The following ACBD3 variants were observed in gnomAD, a reference collection of about 807,000 sequenced individuals.
The protein encoded by ACBD3 is Golgi resident protein GCP60.
A neutral mutation model predicts 66.9 loss-of-function variants in ACBD3; 30 were observed. That is an observed-to-expected ratio of 0.45 (90% CI 0.34 to 0.61). The LOEUF is 0.61. Ranked by LOEUF, ACBD3 falls within the 20% of genes least tolerant of loss-of-function variation. ACBD3 has a pLI of 0.02. For missense variants in ACBD3, 544 were observed against 664.5 expected (o/e 0.82, Z 1.99); for synonymous variants, 278 against 259.8 (o/e 1.07, Z -0.68).
chr1:226,164,658 T>C (rs1438118880), intron 3 of ACBD3, 131 bp downstream of exon 3: 46 of 1,101,660 alleles, frequency 4.2e-5, no homozygotes, highest in Admixed American at 2.7e-4. Flanking sequence ...GTTTGAACAA[T>C]TGCCACAAGA....
intron 1 of ACBD3, among the ~76,000 whole-genome samples, chr1:226,169,768 T>C (rs1659954930): frequency 6.7e-6 from 1 of 149,380 alleles, no homozygotes; most frequent in South Asian, 2.2e-4. Context: ...ACACCTGTAA[T>C]CCCAGCACTT....
chr1:226,179,999 T>C (rs926376627), intron 1 of ACBD3, among the ~76,000 whole-genome samples: 2 of 151,628 alleles, frequency 1.3e-5, no homozygotes, highest in African/African-American at 4.9e-5. Context: ...AGTGAAACCC[T>C]GTCTCTACTA....
intron 7 of ACBD3, among the ~76,000 whole-genome samples, chr1:226,147,278 A>T (rs1283630275): frequency 1.3e-5 from 2 of 152,100 alleles, no homozygotes; most frequent in Non-Finnish European, 2.9e-5. Flanking sequence ...TAGTTCGTTC[A>T]TTCATTCATT....
At chr1:226,185,009 T>C (rs1207936325) in intron 1 of ACBD3, among the ~76,000 whole-genome samples, 1 of 150,716 alleles carries the variant, frequency 6.6e-6, no homozygotes, top group Non-Finnish European at 1.5e-5. Flanking sequence ...TCTGCTACAA[T>C]ATACTTTACT....
intron 5 of ACBD3, among the ~76,000 whole-genome samples, chr1:226,157,200 A>G (rs544996802): frequency 4.8e-4 from 72 of 151,574 alleles, no homozygotes; most frequent in Admixed American, 3.0e-3. Context: ...GCAACCAATA[A>G]ATTTGATAAA....
intron 1 of ACBD3, among the ~76,000 whole-genome samples, chr1:226,181,319 G>C (rs554458681): frequency 1.6e-4 from 25 of 152,280 alleles, no homozygotes; most frequent in Middle Eastern, 3.4e-3. Context: ...CAGCTGTACA[G>C]TATTTTAAAA....
In ACBD3 at chr1:226,151,057, G is replaced by T. The variant is rs1254313270; in HGVS notation, c.1375+1278C>A. 2.0e-5 allele frequency among the ~76,000 whole-genome samples: 3 copies of T among 152,320 alleles called. No individual in the cohort carries two copies. The East Asian group carries it at 5.8e-4, about 29-fold the overall frequency. On this transcript the variant is annotated intron_variant, in intron 7 of 7. Coordinates refer to ENST00000366812, the MANE Select transcript of ACBD3 (RefSeq NM_022735.4). ...CACACCTGCAGTGTATGTTTCTGTA[G>T]ATAGCCCCAGAGGCCCCAGGGTGTT...
chr1:226,169,163 C>T (rs1041695445), intron 1 of ACBD3, among the ~76,000 whole-genome samples: 24 of 152,036 alleles, frequency 1.6e-4, no homozygotes, highest in African/African-American at 4.6e-4. Flanking sequence ...GTGCCCACCC[C>T]CTTCTCGCTT....
chr1:226,176,101 A>T (rs760339116), intron 1 of ACBD3, among the ~76,000 whole-genome samples: 3 of 152,180 alleles, frequency 2.0e-5, no homozygotes, highest in African/African-American at 4.8e-5. Flanking sequence ...TGAAGAGGCT[A>T]TGGTGGCTCT....
chr1:226,171,940 G>A (rs1169306627), intron 1 of ACBD3, among the ~76,000 whole-genome samples: 1 of 151,640 alleles, frequency 6.6e-6, no homozygotes, highest in Non-Finnish European at 1.5e-5. Context: ...TGGATCACCT[G>A]AGGTCAGGAG....
intron 1 of ACBD3, 84 bp from the exon 2 acceptor site, chr1:226,166,084 A>T: frequency 7.1e-7 from 1 of 1,412,662 alleles, no homozygotes; most frequent in East Asian, 2.5e-5. Flanking sequence ...GCTTTGCTAC[A>T]AAGCATGTCA....
At chr1:226,183,468 T>C (rs1041133803) in intron 1 of ACBD3, among the ~76,000 whole-genome samples, 5 of 151,340 alleles carry the variant, frequency 3.3e-5, no homozygotes, top group Admixed American at 2.0e-4. Flanking sequence ...AGGCAAAAGC[T>C]ACCACACCCG....
chr1:226,156,514 A>ACACG (rs1188421328), intron 5 of ACBD3, among the ~76,000 whole-genome samples: 1 of 152,156 alleles, frequency 6.6e-6, no homozygotes, highest in East Asian at 1.9e-4. Flanking sequence ...AAAAATACAC[A>ACACG]CACGCACACA....
chr1:226,161,673 GCTC>G lies in ACBD3; in HGVS notation c.583_585del (p.Glu195del). On this transcript the variant is annotated inframe_deletion, in exon 4 of 8. Coordinates refer to ENST00000366812, the MANE Select transcript of ACBD3 (RefSeq NM_022735.4). ...CTTTCTTCCTCTTCACGCCGCCTTC[GCTC>G]CTCTTCCTCCTTCCTACAAGGCAAA... is the stretch of plus-strand genomic sequence containing the variant. The G allele has an allele frequency of 6.3e-7, 1 of 1,598,004 alleles. No individual in the cohort carries two copies. The highest frequency in any genetic ancestry group is 8.5e-7 in the Non-Finnish European group (1 of 1,172,266).
intron 2 of ACBD3, 68 bp downstream of exon 2, chr1:226,165,791 C>T: frequency 6.5e-7 from 1 of 1,535,170 alleles, no homozygotes; most frequent in South Asian, 1.3e-5. Context: ...TACACCTTAA[C>T]CAATACACAT....
At chr1:226,173,850 T>TG (rs146361092) in intron 1 of ACBD3, among the ~76,000 whole-genome samples, 5,137 of 133,894 alleles carry the variant, frequency 0.038, 282 homozygotes, top group African/African-American at 0.13. Context: ...AACTTCCACC[T>TG]CCCAGGTTCA....
In ACBD3 at chr1:226,172,919, G is replaced by A. The variant is rs570745072; in HGVS notation, c.287-6919C>T. On this transcript the variant is annotated intron_variant, in intron 1 of 7. Transcript: ENST00000366812. ...TCCAATAGACTGTGAAAGCACCACC[G>A]AACTCCAGCCTGGGTGACAGATGAA... Among the ~76,000 whole-genome samples the A allele has an allele frequency of 7.2e-5, 11 of 152,230 alleles. No individual in the cohort carries two copies. The East Asian group carries it at 1.3e-3, about 19-fold the overall frequency.
At chr1:226,176,774 G>T (rs1227552844) in intron 1 of ACBD3, among the ~76,000 whole-genome samples, 1 of 152,016 alleles carries the variant, frequency 6.6e-6, no homozygotes, top group Non-Finnish European at 1.5e-5. Context: ...CAACTTTTGT[G>T]AATACTGACT....
rs1257015231 is a variant in ACBD3 at position 226,174,914 on chromosome 1, G to A, written c.287-8914C>T. Among the ~76,000 whole-genome samples the A allele has an allele frequency of 5.3e-5, 8 of 151,766 alleles. No individual in the cohort carries two copies. In the East Asian group the frequency reaches 1.6e-3, roughly 29 times the overall value. On this transcript the variant is annotated intron_variant, in intron 1 of 7. Coordinates refer to ENST00000366812, the MANE Select transcript of ACBD3 (RefSeq NM_022735.4). ...TCAGGACCAGCCTGACCAACATGGT[G>A]AAACCCCATCTCTACTAAAAATAAA...
Sources: gnomAD v4.1 joint callset for allele counts (sites outside exome capture counted in the v4.1 genomes callset) on GRCh38, gnomAD v4.1.1 for gene constraint, MANE v1.5 for transcripts, NCBI Gene and HGNC (gene_info 2026-07-23, HGNC 2026-07-21) for gene names.